Variants in ZSWIM3 observed in about 807,000 individuals in gnomAD.
ZSWIM3 encodes the protein zinc finger SWIM-type containing 3, also known as zinc finger SWIM domain-containing protein 3.
In ZSWIM3, 27 loss-of-function variants were observed where a neutral mutation model predicts 47.5. The observed-to-expected ratio is 0.57, with a 90% CI of 0.42 to 0.78. The LOEUF is 0.78. Among genes scored for constraint, ZSWIM3 ranks in the 30% least tolerant of loss-of-function variants. The pLI, the probability that ZSWIM3 is intolerant of heterozygous loss-of-function variation, is 0.00. For missense variants in ZSWIM3, 689 were observed against 861.3 expected, an observed-to-expected ratio of 0.80 and a Z score of 2.50; for synonymous variants, 333 against 333.9, an observed-to-expected ratio of 1.00 and a Z score of 0.03.
At chr20:45,870,397 C>G (rs1168580853) in intron 1 of ZSWIM3, among the ~76,000 whole-genome samples, 1 of 151,900 alleles carries the variant, frequency 6.6e-6, no homozygotes, top group Non-Finnish European at 1.5e-5. Flanking sequence ...TTCTTTGTCC[C>G]GAATTGGGCC....
At chr20:45,860,075 T>A (rs1204003505) in intron 1 of ZSWIM3, among the ~76,000 whole-genome samples, 1 of 152,130 alleles carries the variant, frequency 6.6e-6, no homozygotes, top group South Asian at 2.1e-4. Flanking sequence ...TGTTTGCCAC[T>A]CTAGTGAATT....
At position 45,857,811 on chromosome 20, in the gene ZSWIM3, G is replaced by A; in HGVS notation, c.-15G>A. 8.7e-6 allele frequency: 14 copies of A among 1,613,172 alleles called. No homozygotes were observed. The highest frequency in any genetic ancestry group is 1.0e-5 in the Non-Finnish European group (12 of 1,179,350). ...GGGCTGGGACCAGCCCCTAGTGTGG[G>A]TTGTGGGGGCGGCCATGGAGCTGGG... is the stretch of plus-strand genomic sequence containing the variant. On this transcript the variant is annotated 5_prime_UTR_variant, in exon 1 of 2. Transcript: ENST00000255152.
At chr20:45,863,625 T>C (rs1373278314) in intron 1 of ZSWIM3, among the ~76,000 whole-genome samples, 1 of 152,208 alleles carries the variant, frequency 6.6e-6, no homozygotes, top group Non-Finnish European at 1.5e-5. Flanking sequence ...CAGTGCCTTG[T>C]AGATGGAAAA....
At chr20:45,872,311 C>A (rs755915872) in intron 1 of ZSWIM3, among the ~76,000 whole-genome samples, 1 of 152,174 alleles carries the variant, frequency 6.6e-6, no homozygotes, top group Non-Finnish European at 1.5e-5. Flanking sequence ...TCCAGGTTCC[C>A]GCCCTGGGAG....
intron 1 of ZSWIM3, among the ~76,000 whole-genome samples, chr20:45,873,141 C>T (rs1986013380): frequency 6.6e-6 from 1 of 152,174 alleles, no homozygotes; most frequent in Non-Finnish European, 1.5e-5. Context: ...GTTGCTCACG[C>T]CTGTAATCCC....
chr20:45,859,812 A>G (rs1314547841), intron 1 of ZSWIM3, among the ~76,000 whole-genome samples: 2 of 149,822 alleles, frequency 1.3e-5, no homozygotes, highest in African/African-American at 4.9e-5. Flanking sequence ...AAAAAAAAAA[A>G]AAAACCACAG....
chr20:45,878,350 C>T lies in ZSWIM3; in HGVS notation c.1792C>T (p.Leu598Phe), dbSNP rs746457594. 4 of 1,614,246 alleles carry T rather than the reference C, an allele frequency of 2.5e-6. No individual in the cohort carries two copies. The highest frequency in any genetic ancestry group is 2.5e-6 in the Non-Finnish European group (3 of 1,180,054). The part of the protein sequence containing the change: ...YQYLLGPNGE[L>F]QDRGMVPNTG... ...GTACCTCCTTGGGCCCAATGGGGAG[C>T]TCCAGGATCGTGGTATGGTCCCAAA... Residue 598 changes from leucine to phenylalanine, a missense_variant, in exon 2 of 2, where the codon CTC (leucine) becomes TTC (phenylalanine). Coordinates refer to ENST00000255152, the MANE Select transcript of ZSWIM3 (RefSeq NM_080752.4).
intron 1 of ZSWIM3, among the ~76,000 whole-genome samples, chr20:45,872,098 T>G (rs552216416): frequency 1.3e-5 from 2 of 152,354 alleles, no homozygotes; most frequent in South Asian, 4.1e-4. Flanking sequence ...TTCTCATCCT[T>G]GAGAACCTCT....
chr20:45,867,338 A>T (rs1013050484), intron 1 of ZSWIM3, among the ~76,000 whole-genome samples: 1 of 152,160 alleles, frequency 6.6e-6, no homozygotes, highest in Non-Finnish European at 1.5e-5. Context: ...ACAAAAGAAC[A>T]GTTGGAGATT....
At chr20:45,858,955 A>T (rs1254657519) in intron 1 of ZSWIM3, among the ~76,000 whole-genome samples, 1 of 152,182 alleles carries the variant, frequency 6.6e-6, no homozygotes, top group Non-Finnish European at 1.5e-5. Flanking sequence ...TACTTTAAGA[A>T]AAAGAATGAT....
Position 45,876,869 on chromosome 20 carries a change from A to G in ZSWIM3, c.311A>G (p.Asp104Gly). The part of the protein sequence containing the change: ...SELNTQHIHG[D>G]SKVASPGGDT... ...CTAAACACACAGCACATACATGGTG[A>G]CTCTAAAGTGGCTAGTCCTGGAGGA... Residue 104 changes from aspartate (D) to glycine (G), a missense_variant, in exon 2 of 2, where the codon GAC becomes GGC. Transcript: ENST00000255152. 3.7e-6 allele frequency: 6 copies of G among 1,614,102 alleles called. No individual in the cohort carries two copies. The highest frequency in any genetic ancestry group is 5.1e-6 in the Non-Finnish European group (6 of 1,180,018).
Position 45,857,705 on chromosome 20 carries a change from G to T in ZSWIM3, c.-121G>T, listed in dbSNP as rs1985562108. 16 of 1,259,648 alleles carry T rather than the reference G, an allele frequency of 1.3e-5. No individual in the cohort carries two copies. Among genetic ancestry groups the T allele is most frequent in the Non-Finnish European group, 1.8e-5 (16 of 902,174 alleles). 78.0% of individuals were successfully genotyped at this position (1,259,648 alleles called of 1,614,324 possible). A position where few individuals can be genotyped will look rare whatever the true frequency, so the allele number is the denominator to read the frequency against. ...CAGAATAGGCCACCCAGTTGGGGCGGACCCTTAAGGCATTCTGGGCCCACG... is the reference window on the plus strand; with the variant it reads ...CAGAATAGGCCACCCAGTTGGGGCGTACCCTTAAGGCATTCTGGGCCCACG... On this transcript the variant is annotated 5_prime_UTR_variant, in exon 1 of 2. Coordinates refer to ENST00000255152, the MANE Select transcript of ZSWIM3 (RefSeq NM_080752.4).
intron 1 of ZSWIM3, among the ~76,000 whole-genome samples, chr20:45,872,155 T>A (rs6514066): frequency 6.6e-6 from 1 of 152,038 alleles, no homozygotes; most frequent in Admixed American, 6.6e-5. Context: ...AATAGAATCC[T>A]TTTCCTACTG....
At chr20:45,869,251 G>C (rs191665902) in intron 1 of ZSWIM3, among the ~76,000 whole-genome samples, 15 of 152,058 alleles carry the variant, frequency 9.9e-5, no homozygotes, top group Admixed American at 9.8e-4. Context: ...GGGCGCAGTG[G>C]CTCATGCCTA....
intron 1 of ZSWIM3, among the ~76,000 whole-genome samples, chr20:45,869,076 A>G (rs1232332695): frequency 6.6e-6 from 1 of 152,022 alleles, no homozygotes; most frequent in Admixed American, 6.6e-5. Flanking sequence ...TGCTGGGATT[A>G]CAGGCGTCAG....
intron 1 of ZSWIM3, among the ~76,000 whole-genome samples, chr20:45,864,061 T>C (rs1185036213): frequency 6.6e-6 from 1 of 152,198 alleles, no homozygotes; most frequent in Non-Finnish European, 1.5e-5. Context: ...CTCTTAATTG[T>C]TGTACTTAGC....
chr20:45,860,641 C>G (rs1568744490), intron 1 of ZSWIM3, among the ~76,000 whole-genome samples: 1 of 152,132 alleles, frequency 6.6e-6, no homozygotes, highest in South Asian at 2.1e-4. Flanking sequence ...GTTGAGTCAT[C>G]ACATCACTCT....
rs745616813 is a variant in ZSWIM3 at position 45,878,629 on chromosome 20, A to G, written c.2071A>G (p.Thr691Ala). The change falls in exon 2 of 2, where the codon ACA becomes GCA. Residue 691 changes from threonine (T) to alanine (A), a missense_variant. Transcript: ENST00000255152. ...QEEGEGFPPA[T>A]AVMHY ...AGAAGGGGAGGGATTCCCTCCTGCTACAGCTGTGATGCATTATTGAAGCAC... is the reference window on the plus strand; with the variant it reads ...AGAAGGGGAGGGATTCCCTCCTGCTGCAGCTGTGATGCATTATTGAAGCAC... The G allele has an allele frequency of 1.2e-6, 2 of 1,610,654 alleles. No homozygotes were observed. The highest frequency in any genetic ancestry group is 2.2e-5 in the East Asian group (1 of 44,772).
Position 45,876,717 on chromosome 20 carries a change from T to C in ZSWIM3, c.159T>C (p.Tyr53=). The change falls in exon 2 of 2, where the codon TAT becomes TAC. Residue 53 remains tyrosine (Y), a synonymous_variant. Transcript: ENST00000255152. The stretch of plus-strand genomic sequence containing the variant: ...TTGTTACCTCTACCTTCCCTAGGTA[T>C]GTGCAGGTGAAATTTGTCTGCATTC... ...HGTSIREDIL[Y]VQVKFVCIRT... is the part of the protein sequence containing the mutation. 6.2e-7 allele frequency: 1 copy of C among 1,610,704 alleles called. No individual in the cohort carries two copies. Among genetic ancestry groups the C allele is most frequent in the Non-Finnish European group, 8.5e-7 (1 of 1,177,986 alleles).
Sources: gnomAD v4.1 joint callset for allele counts (sites outside exome capture counted in the v4.1 genomes callset) on GRCh38, gnomAD v4.1.1 for gene constraint, MANE v1.5 for transcripts, NCBI Gene and HGNC (gene_info 2026-07-23, HGNC 2026-07-21) for gene names.